The following SLC10A6 variants were observed in gnomAD, a reference collection of about 807,000 sequenced individuals.
SLC10A6 encodes the protein solute carrier family 10 member 6.
SLC10A6 carries 27 observed loss-of-function variants against 30.0 expected under a neutral mutation model. The observed-to-expected ratio is 0.90, with a 90% confidence interval of 0.66 to 1.24. The LOEUF is 1.24. Ranked by LOEUF, SLC10A6 falls within the 50% of genes most tolerant of loss-of-function variation. The pLI is 0.00. For synonymous variants in SLC10A6, 166 were observed against 173.8 expected, an observed-to-expected ratio of 0.95 and a Z score of 0.36; for missense variants, 439 against 457.0, an observed-to-expected ratio of 0.96 and a Z score of 0.36.
intron 1 of SLC10A6, among the ~76,000 whole-genome samples, chr4:86,843,734 C>T (rs1370522845): frequency 6.6e-6 from 1 of 151,978 alleles, no homozygotes; most frequent in Non-Finnish European, 1.5e-5. Context: ...AAACACAGAC[C>T]CAGGACACGA....
chr4:86,841,975 A>G (rs565785439), intron 1 of SLC10A6, among the ~76,000 whole-genome samples: 2 of 152,270 alleles, frequency 1.3e-5, no homozygotes, highest in Non-Finnish European at 2.9e-5. Context: ...ATTGAGCACT[A>G]TGTGCTAGGT....
At chr4:86,830,322 T>C (rs903924088) in intron 3 of SLC10A6, among the ~76,000 whole-genome samples, 6 of 152,118 alleles carry the variant, frequency 3.9e-5, no homozygotes, top group African/African-American at 1.4e-4. Context: ...CATTTGAGCC[T>C]AGGAGATCAA....
chr4:86,827,263 G>A lies in SLC10A6; in HGVS notation c.761+730C>T, dbSNP rs565369644. Among the ~76,000 whole-genome samples, 23 of 152,250 alleles carry A rather than the reference G, an allele frequency of 1.5e-4. No homozygotes were observed. The South Asian group carries it at 2.5e-3, about 16-fold the overall frequency. On this transcript the variant is annotated intron_variant, in intron 4 of 5. Coordinates refer to ENST00000273905, the MANE Select transcript of SLC10A6 (RefSeq NM_197965.3). Reference sequence around the variant, plus strand: ...TTGTTAAATTTGGAAACAAACCCAGGTCCAAATCCTAACTCCACAATTTTC... The same window carrying A: ...TTGTTAAATTTGGAAACAAACCCAGATCCAAATCCTAACTCCACAATTTTC...
At position 86,823,851 on chromosome 4, in the gene SLC10A6, G is replaced by A; in HGVS notation, c.971C>T (p.Ser324Leu). 2 of 1,613,844 alleles carry A rather than the reference G, an allele frequency of 1.2e-6. No individual in the cohort carries two copies. Among genetic ancestry groups the A allele is most frequent in the Non-Finnish European group, 1.7e-6 (2 of 1,179,844 alleles). ...RLKNKHGKKN[S>L]GCTEVCHTRK... ...CGTATGGCAGACTTCTGTGCAACCTGAGTTCTTTTTTCCATGTTTGTTCTT... is the reference window on the plus strand; with the variant it reads ...CGTATGGCAGACTTCTGTGCAACCTAAGTTCTTTTTTCCATGTTTGTTCTT... Residue 324 changes from serine to leucine, a missense_variant, in exon 6 of 6, where the codon TCA (serine) becomes TTA (leucine). Coordinates refer to ENST00000273905, the MANE Select transcript of SLC10A6 (RefSeq NM_197965.3).
chr4:86,832,423 G>A (rs982629601), intron 2 of SLC10A6, among the ~76,000 whole-genome samples: 17 of 151,948 alleles, frequency 1.1e-4, no homozygotes, highest in Non-Finnish European at 1.8e-4. Context: ...TGGGCAACAC[G>A]GTGAAACCCT....
At chr4:86,827,647 A>C (rs1008583567) in intron 4 of SLC10A6, among the ~76,000 whole-genome samples, 2 of 152,248 alleles carry the variant, frequency 1.3e-5, no homozygotes, top group African/African-American at 4.8e-5. Flanking sequence ...ACTCAAAATT[A>C]AACATTGTTA....
Position 86,849,007 on chromosome 4 carries a change from C to A in SLC10A6, c.109G>T (p.Val37Leu), listed in dbSNP as rs767592698. Reference sequence around the variant, plus strand: ...AGCAGCCCCATCATCACAGTGGACACCACTGTGAAAACGAGCTCCAGGTTT... The same window carrying A: ...AGCAGCCCCATCATCACAGTGGACAACACTGTGAAAACGAGCTCCAGGTTT... ...HGNLELVFTV[V>L]STVMMGLLMF... The change falls in exon 1 of 6, where the codon GTG becomes TTG. Residue 37 changes from valine (V) to leucine (L), a missense_variant. By Grantham distance (32) the Val-to-Leu change is conservative. Transcript: ENST00000273905. 5.0e-6 allele frequency: 8 copies of A among 1,614,038 alleles called. No homozygotes were observed. The highest frequency in any genetic ancestry group is 6.8e-6 in the Non-Finnish European group (8 of 1,180,040).
chr4:86,837,298 G>GAAA lies in SLC10A6; in HGVS notation c.378-3875_378-3874insTTT, dbSNP rs1560460409. Among the ~76,000 whole-genome samples the GAAA allele has an allele frequency of 2.3e-3, 202 of 89,246 alleles. 3 individuals are homozygous for GAAA. The highest frequency in any genetic ancestry group is 9.0e-3 in the Middle Eastern group (2 of 222). The allele number at this position is 89,246 out of a possible 152,430, so 58.5% of individuals were successfully genotyped here. A position where few individuals can be genotyped will look rare whatever the true frequency, so the allele number is the denominator to read the frequency against. ...AAGAAAGAAAGAAAAAGAAAGGAAG[G>GAAA]AAGGAAGGAAGGAAGGAAGGAAGGA... On this transcript the variant is annotated intron_variant, in intron 1 of 5. Transcript: ENST00000273905.
chr4:86,839,994 C>T (rs1464577208), intron 1 of SLC10A6, among the ~76,000 whole-genome samples: 3 of 151,504 alleles, frequency 2.0e-5, no homozygotes, highest in African/African-American at 4.9e-5. Flanking sequence ...CTGCAAGCTC[C>T]GCCTCCCAGG....
At chr4:86,840,760 C>A (rs560347140) in intron 1 of SLC10A6, among the ~76,000 whole-genome samples, 2 of 152,244 alleles carry the variant, frequency 1.3e-5, no homozygotes, top group African/African-American at 4.8e-5. Flanking sequence ...AAATAACTTT[C>A]TTTTTTCCTG....
chr4:86,832,521 G>A (rs1746097180), intron 2 of SLC10A6, among the ~76,000 whole-genome samples: 1 of 151,698 alleles, frequency 6.6e-6, no homozygotes, highest in African/African-American at 2.4e-5. Flanking sequence ...GCAGGAGAAG[G>A]CAGAAGTTGC....
Position 86,823,884 on chromosome 4 carries a change from C to T in SLC10A6, c.938G>A (p.Arg313Lys), listed in dbSNP as rs1339611803. 1.9e-6 allele frequency: 3 copies of T among 1,611,600 alleles called. No individual in the cohort carries two copies. The South Asian group carries it at 3.3e-5, about 18-fold the overall frequency. Reference sequence around the variant, plus strand: ...TTTTCCATGTTTGTTCTTCAATCTCCTCTTGTACGTCTGATATGCTAGGTG... The same window carrying T: ...TTTTCCATGTTTGTTCTTCAATCTCTTCTTGTACGTCTGATATGCTAGGTG... ...LIVAAYQTYK[R>K]RLKNKHGKKN... is the part of the protein sequence containing the mutation. The change falls in exon 6 of 6, where the codon AGG becomes AAG. Residue 313 changes from arginine to lysine, a missense_variant. Arg to Lys is a conservative substitution (Grantham distance 26). Coordinates refer to ENST00000273905, the MANE Select transcript of SLC10A6 (RefSeq NM_197965.3).
At position 86,823,573 on chromosome 4, in the gene SLC10A6, C is replaced by T. The variant is rs1745917994; in HGVS notation, c.*115G>A. Reference sequence around the variant, plus strand: ...CCACATGAAAATATAAATATTCTAACATTGAACACTTAAATATTCACACTG... The same window carrying T: ...CCACATGAAAATATAAATATTCTAATATTGAACACTTAAATATTCACACTG... On this transcript the variant is annotated 3_prime_UTR_variant, in exon 6 of 6. Transcript: ENST00000273905. The T allele has an allele frequency of 1.3e-6, 1 of 767,890 alleles. No individual in the cohort carries two copies. The highest frequency in any genetic ancestry group is 3.3e-5 in the Admixed American group (1 of 30,484). 47.6% of individuals were successfully genotyped at this position (767,890 alleles called of 1,614,324 possible). A position where few individuals can be genotyped will look rare whatever the true frequency, so the allele number is the denominator to read the frequency against.
rs374500021 is a variant in SLC10A6, at chr4:86,839,417, C to G, written c.378-5993G>C. The stretch of plus-strand genomic sequence containing the variant: ...AGTGAGCTATGCTCACACCACAACA[C>G]TCCAGCTTTGGGGACAGAAGGAGGC... On this transcript the variant is annotated intron_variant, in intron 1 of 5. Coordinates refer to ENST00000273905, the MANE Select transcript of SLC10A6 (RefSeq NM_197965.3). Among the ~76,000 whole-genome samples the G allele has an allele frequency of 2.8e-4, 42 of 152,260 alleles. 1 individual carries two copies. The highest frequency in any genetic ancestry group is 9.9e-4 in the African/African-American group (41 of 41,556).
At position 86,840,451 on chromosome 4, in the gene SLC10A6, T is replaced by C. The variant is rs542978582; in HGVS notation, c.378-7027A>G. ...ACATTTATATAGTCAGAGCTGTTTT[T>C]TTAATGGCTTCTGAGTTTCTTATCT... On this transcript the variant is annotated intron_variant, in intron 1 of 5. Coordinates refer to ENST00000273905, the MANE Select transcript of SLC10A6 (RefSeq NM_197965.3). Among the ~76,000 whole-genome samples the C allele has an allele frequency of 6.6e-5, 10 of 152,358 alleles. No homozygotes were observed. In the East Asian group the frequency reaches 1.9e-3, roughly 29 times the overall value.
At chr4:86,830,659 A>G (rs1468225266) in intron 3 of SLC10A6, among the ~76,000 whole-genome samples, 1 of 152,198 alleles carries the variant, frequency 6.6e-6, no homozygotes, top group African/African-American at 2.4e-5. Context: ...CTGGGAAAAC[A>G]GTGTCCATTA....
intron 4 of SLC10A6, among the ~76,000 whole-genome samples, chr4:86,825,789 G>A (rs1415800993): frequency 1.3e-5 from 2 of 152,162 alleles, no homozygotes; most frequent in African/African-American, 4.8e-5. Context: ...CTAGGCATCT[G>A]AGTAAAAAGA....
chr4:86,844,794 G>A (rs1023597371), intron 1 of SLC10A6, among the ~76,000 whole-genome samples: 3 of 152,330 alleles, frequency 2.0e-5, no homozygotes, highest in African/African-American at 4.8e-5. Flanking sequence ...GTTCCACATG[G>A]TTGGGGAGGT....
intron 1 of SLC10A6, among the ~76,000 whole-genome samples, chr4:86,835,354 C>T (rs1463260934): frequency 2.0e-5 from 3 of 152,106 alleles, no homozygotes; most frequent in Non-Finnish European, 2.9e-5. Flanking sequence ...ATCCTGATAT[C>T]GTGTGATCCT....
Sources: allele counts gnomAD v4.1 joint callset (sites outside exome capture counted in the v4.1 genomes callset), GRCh38; gene constraint gnomAD v4.1.1; transcripts MANE v1.5; gene names NCBI Gene and HGNC (gene_info 2026-07-23, HGNC 2026-07-21).